The following BTRC variants were observed in gnomAD, a reference collection of about 807,000 sequenced individuals.
BTRC encodes the protein F-box/WD repeat-containing protein 1A.
In BTRC, 42 loss-of-function variants were observed where a neutral mutation model predicts 85.5. The observed-to-expected ratio is 0.49, with a 90% CI of 0.38 to 0.64. The LOEUF is 0.64. Among genes scored for constraint, BTRC ranks in the 30% least tolerant of loss-of-function variants. The pLI, the probability that BTRC is intolerant of heterozygous loss-of-function variation, is 0.00. For synonymous variants in BTRC, 255 were observed against 263.3 expected, an observed-to-expected ratio of 0.97 and a Z score of 0.30; for missense variants, 594 against 743.5, an observed-to-expected ratio of 0.80 and a Z score of 2.34.
intron 12 of BTRC, 51 bp from the exon 13 acceptor site, chr10:101,538,242 T>C: frequency 6.9e-7 from 1 of 1,445,848 alleles, no homozygotes; most frequent in Non-Finnish European, 9.7e-7. Flanking sequence ...TTCCCTGCCT[T>C]CTCTTACATT....
chr10:101,508,328 A>G (rs1946595250), intron 4 of BTRC, among the ~76,000 whole-genome samples: 3 of 152,212 alleles, frequency 2.0e-5, no homozygotes, highest in Non-Finnish European at 4.4e-5. Flanking sequence ...GAAATCATTC[A>G]GATTCATAAT....
chr10:101,387,942 G>A (rs1328230061), intron 1 of BTRC, among the ~76,000 whole-genome samples: 1 of 151,628 alleles, frequency 6.6e-6, no homozygotes, highest in Non-Finnish European at 1.5e-5. Flanking sequence ...TGCCTGCCTC[G>A]GCCTCCCAAA....
intron 1 of BTRC, among the ~76,000 whole-genome samples, chr10:101,419,937 G>GCT (rs1409921370): frequency 6.6e-6 from 1 of 152,092 alleles, no homozygotes; most frequent in Non-Finnish European, 1.5e-5. Flanking sequence ...GTTCTAAGGA[G>GCT]CTCTGGTTCC....
intron 3 of BTRC, among the ~76,000 whole-genome samples, chr10:101,472,902 G>A (rs1264920728): frequency 1.3e-5 from 2 of 152,020 alleles, no homozygotes; most frequent in African/African-American, 2.4e-5. Context: ...CTCGTTTTCA[G>A]CAGTTCTGAC....
In BTRC at chr10:101,400,824, A is replaced by G. The variant is rs181707704; in HGVS notation, c.49-29521A>G. 9.2e-5 allele frequency among the ~76,000 whole-genome samples: 14 copies of G among 152,266 alleles called. No individual in the cohort carries two copies. The East Asian group carries it at 9.7e-4, about 11-fold the overall frequency. On this transcript the variant is annotated intron_variant, in intron 1 of 14. Transcript: ENST00000370187. ...AAAATGGAAGACTACTTCAACTTCT[A>G]TTTGCTCTTCTTGTTATAACCAAGC... is the stretch of plus-strand genomic sequence containing the variant.
intron 13 of BTRC, 149 bp from the exon 14 acceptor site, chr10:101,550,550 G>T: frequency 1.4e-6 from 1 of 694,020 alleles, no homozygotes; most frequent in Non-Finnish European, 2.4e-6. Flanking sequence ...CCAAAGTGCT[G>T]GGATTACAGG....
chr10:101,519,271 G>A (rs2062068071), intron 4 of BTRC, among the ~76,000 whole-genome samples: 1 of 151,738 alleles, frequency 6.6e-6, no homozygotes, highest in Non-Finnish European at 1.5e-5. Context: ...GTAGAGATAG[G>A]GTTTCACGAT....
chr10:101,392,616 C>A (rs1039293962), intron 1 of BTRC, among the ~76,000 whole-genome samples: 3 of 152,112 alleles, frequency 2.0e-5, no homozygotes, highest in Non-Finnish European at 2.9e-5. Flanking sequence ...TCTCTTACCT[C>A]AGCCTCCCAA....
intron 1 of BTRC, among the ~76,000 whole-genome samples, chr10:101,371,504 T>A (rs964647736): frequency 3.3e-5 from 5 of 152,220 alleles, no homozygotes; most frequent in African/African-American, 1.2e-4. Flanking sequence ...TGAATTTGAT[T>A]CCTCTAGATA....
At chr10:101,448,405 G>A (rs900258624) in intron 2 of BTRC, among the ~76,000 whole-genome samples, 1 of 151,966 alleles carries the variant, frequency 6.6e-6, no homozygotes, top group Non-Finnish European at 1.5e-5. Flanking sequence ...AATTACCCCT[G>A]GTAGAACTCC....
chr10:101,459,150 T>A (rs115639456), intron 2 of BTRC, among the ~76,000 whole-genome samples: 1,968 of 152,316 alleles, frequency 0.013, 32 homozygotes, highest in African/African-American at 0.041. Flanking sequence ...ATTAATCACT[T>A]ATCCTTAAAT....
intron 4 of BTRC, among the ~76,000 whole-genome samples, chr10:101,509,719 ATTTTTTT>A (rs549474862): frequency 1.6e-4 from 19 of 120,326 alleles, no homozygotes; most frequent in South Asian, 2.7e-4. Context: ...CACACAGCTA[ATTTTTTT>A]TTTTTTTTTT....
chr10:101,523,815 A>G (rs2062153860), intron 5 of BTRC, among the ~76,000 whole-genome samples: 1 of 152,162 alleles, frequency 6.6e-6, no homozygotes, highest in Admixed American at 6.5e-5. Context: ...ATTCTTCACA[A>G]TGGTTGAAGC....
At chr10:101,517,754 T>C (rs1185729612) in intron 4 of BTRC, among the ~76,000 whole-genome samples, 1 of 152,188 alleles carries the variant, frequency 6.6e-6, no homozygotes, top group Non-Finnish European at 1.5e-5. Context: ...TGATTTTGTC[T>C]CCTTTTTTCT....
intron 3 of BTRC, among the ~76,000 whole-genome samples, chr10:101,469,084 T>C (rs565429577): frequency 1.3e-5 from 2 of 152,342 alleles, no homozygotes; most frequent in East Asian, 3.9e-4. Context: ...AAAAACGTAT[T>C]AAAGTACTCC....
At chr10:101,404,002 GTATATATA>G (rs753639521) in intron 1 of BTRC, among the ~76,000 whole-genome samples, 8 of 61,764 alleles carry the variant, frequency 1.3e-4, no homozygotes, top group African/African-American at 3.6e-4. Flanking sequence ...GTGTGTGTGT[GTATATATA>G]TATATATATA....
chr10:101,418,851 C>G (rs1944019393), intron 1 of BTRC, among the ~76,000 whole-genome samples: 1 of 152,058 alleles, frequency 6.6e-6, no homozygotes, highest in South Asian at 2.1e-4. Flanking sequence ...TAATGCTCTC[C>G]CCTGACCCGC....
chr10:101,439,492 G>A (rs1944625162), intron 2 of BTRC, among the ~76,000 whole-genome samples: 1 of 152,188 alleles, frequency 6.6e-6, no homozygotes, highest in African/African-American at 2.4e-5. Flanking sequence ...TAAAGTTGCA[G>A]TATCGTTGCA....
chr10:101,523,197 C>G lies in BTRC; in HGVS notation c.556+1327C>G, dbSNP rs564162882. Among the ~76,000 whole-genome samples, 143 of 152,046 alleles carry G rather than the reference C, an allele frequency of 9.4e-4. 1 individual carries two copies. Among genetic ancestry groups the G allele is most frequent in the African/African-American group, 3.3e-3 (137 of 41,452 alleles). ...CCAGACTGGGCGACAGGGCGAGACT[C>G]CATCTCAGAAAATAAATAAATAAAT... On this transcript the variant is annotated intron_variant, in intron 5 of 14. Coordinates refer to ENST00000370187, the MANE Select transcript of BTRC (RefSeq NM_033637.4).
Sources: gnomAD v4.1 joint callset for allele counts (sites outside exome capture counted in the v4.1 genomes callset) on GRCh38, gnomAD v4.1.1 for gene constraint, MANE v1.5 for transcripts, NCBI Gene and HGNC (gene_info 2026-07-23, HGNC 2026-07-21) for gene names.